Variants in PTPRD observed in about 807,000 individuals in gnomAD.
PTPRD encodes protein tyrosine phosphatase receptor type D.
A neutral mutation model predicts 214.5 loss-of-function variants in PTPRD; 34 were observed. The ratio of observed to expected loss-of-function variants is 0.16; its 90% CI spans 0.12 to 0.21. PTPRD has a LOEUF of 0.21. PTPRD is among the 10% of genes least tolerant of loss of function. The pLI, the probability that PTPRD is intolerant of heterozygous loss-of-function variation, is 1.00. For synonymous variants in PTPRD, 1,128 were observed against 845.7 expected (o/e 1.33, Z -5.79); for missense variants, 2,545 against 2,398.7 (o/e 1.06, Z -1.27).
chr9:9,279,042 G>C (rs1005872874), intron 9 of PTPRD, among the ~76,000 whole-genome samples: 3 of 151,008 alleles, frequency 2.0e-5, no homozygotes, highest in African/African-American at 4.8e-5. Flanking sequence ...ATAGAGTCAA[G>C]GGGATATATC....
chr9:9,642,878 G>T (rs975957958), intron 7 of PTPRD, among the ~76,000 whole-genome samples: 2 of 152,184 alleles, frequency 1.3e-5, no homozygotes, highest in Non-Finnish European at 2.9e-5. Flanking sequence ...CCCACAGCTA[G>T]TATGTTGCAA....
At chr9:10,087,716 A>AC (rs1352845256) in intron 3 of PTPRD, among the ~76,000 whole-genome samples, 1 of 151,752 alleles carries the variant, frequency 6.6e-6, no homozygotes, top group Non-Finnish European at 1.5e-5. Context: ...AACTGAATAT[A>AC]CTAATAGAAT....
intron 5 of PTPRD, among the ~76,000 whole-genome samples, chr9:9,785,425 T>C (rs761098292): frequency 1.2e-4 from 18 of 152,094 alleles, no homozygotes; most frequent in Non-Finnish European, 2.1e-4. Flanking sequence ...TCATGTACCT[T>C]GATATGATGT....
At chr9:8,952,447 T>C (rs2099107660) in intron 11 of PTPRD, among the ~76,000 whole-genome samples, 1 of 152,006 alleles carries the variant, frequency 6.6e-6, no homozygotes, top group African/African-American at 2.4e-5. Context: ...CCTTAAACCA[T>C]ATCAACTAAA....
intron 8 of PTPRD, among the ~76,000 whole-genome samples, chr9:9,546,955 G>C (rs768976877): frequency 6.7e-6 from 1 of 148,414 alleles, no homozygotes; most frequent in African/African-American, 2.5e-5. Flanking sequence ...AATCAAAATG[G>C]AGTCACTAAT....
At chr9:10,425,504 G>C (rs2098605217) in intron 2 of PTPRD, among the ~76,000 whole-genome samples, 1 of 151,886 alleles carries the variant, frequency 6.6e-6, no homozygotes, top group Non-Finnish European at 1.5e-5. Context: ...AAGCACTGAG[G>C]TATGTCCTTA....
intron 35 of PTPRD, among the ~76,000 whole-genome samples, chr9:8,412,557 T>C (rs898255401): frequency 6.6e-6 from 1 of 152,164 alleles, no homozygotes; most frequent in Non-Finnish European, 1.5e-5. Flanking sequence ...TCCCAAAGTA[T>C]TAAGCGAAAA....
intron 11 of PTPRD, chr9:8,797,023 G>C (rs1012792768): frequency 2.0e-5 from 3 of 151,770 alleles, no homozygotes; most frequent in African/African-American, 7.3e-5. Flanking sequence ...AATTGAAACA[G>C]TCCATTCCCC....
At chr9:8,884,905 A>ATATT (rs1237694639) in intron 11 of PTPRD, among the ~76,000 whole-genome samples, 2 of 152,026 alleles carry the variant, frequency 1.3e-5, no homozygotes, top group Non-Finnish European at 2.9e-5. Flanking sequence ...AAATATATCA[A>ATATT]GTCTCCATGG....
intron 4 of PTPRD, among the ~76,000 whole-genome samples, chr9:10,018,520 T>C (rs1250449514): frequency 2.7e-5 from 4 of 148,488 alleles, no homozygotes; most frequent in Non-Finnish European, 6.0e-5. Flanking sequence ...TAAAATGATT[T>C]ATTTAAGAAT....
At chr9:9,795,006 C>T (rs2098992976) in intron 5 of PTPRD, among the ~76,000 whole-genome samples, 1 of 152,300 alleles carries the variant, frequency 6.6e-6, no homozygotes, top group East Asian at 1.9e-4. Context: ...ACCTTAAAAC[C>T]AACAGCTTGA....
At chr9:10,123,970 A>T (rs536701974) in intron 3 of PTPRD, among the ~76,000 whole-genome samples, 1 of 152,192 alleles carries the variant, frequency 6.6e-6, no homozygotes, top group Admixed American at 6.5e-5. Flanking sequence ...ACAATTTGCC[A>T]AACAATGTAG....
chr9:10,332,171 A>G (rs2096763120), intron 3 of PTPRD, among the ~76,000 whole-genome samples: 1 of 151,934 alleles, frequency 6.6e-6, no homozygotes, highest in East Asian at 1.9e-4. Context: ...TATTAAATCA[A>G]CAATGGCTTC....
At chr9:9,501,461 TAAA>T (rs1300755886) in intron 8 of PTPRD, among the ~76,000 whole-genome samples, 3 of 151,862 alleles carry the variant, frequency 2.0e-5, no homozygotes, top group Non-Finnish European at 2.9e-5. Flanking sequence ...TAACAGAGTT[TAAA>T]TATCTATAAA....
chr9:9,658,703 T>G (rs562255588), intron 7 of PTPRD, among the ~76,000 whole-genome samples: 63 of 152,310 alleles, frequency 4.1e-4, no homozygotes, highest in African/African-American at 1.5e-3. Flanking sequence ...TAGCTTAAGA[T>G]ATTTTATCCT....
intron 4 of PTPRD, among the ~76,000 whole-genome samples, chr9:10,002,716 G>C (rs1396664341): frequency 6.7e-6 from 1 of 148,722 alleles, no homozygotes; most frequent in African/African-American, 2.5e-5. Context: ...AACAAAGAGA[G>C]AAATAGAAAA....
At chr9:10,126,735 G>A (rs765927633) in intron 3 of PTPRD, among the ~76,000 whole-genome samples, 20 of 152,116 alleles carry the variant, frequency 1.3e-4, no homozygotes, top group Admixed American at 5.9e-4. Flanking sequence ...TGACAGGGAT[G>A]GGTATTGACT....
chr9:9,077,477 A>C (rs546112824), intron 10 of PTPRD, among the ~76,000 whole-genome samples: 48 of 152,096 alleles, frequency 3.2e-4, no homozygotes, highest in Non-Finnish European at 5.6e-4. Flanking sequence ...AAACAAAGTC[A>C]ATATAAGATG....
chr9:9,077,649 G>C (rs1044417091), intron 10 of PTPRD, among the ~76,000 whole-genome samples: 1 of 152,030 alleles, frequency 6.6e-6, no homozygotes, highest in African/African-American at 2.4e-5. Context: ...TATACTTATA[G>C]CTTAATGCAC....
Sources: allele counts gnomAD v4.1 joint callset (sites outside exome capture counted in the v4.1 genomes callset), GRCh38; gene constraint gnomAD v4.1.1; transcripts MANE v1.5; gene names NCBI Gene and HGNC (gene_info 2026-07-23, HGNC 2026-07-21).